The following ITGA3 variants were observed in gnomAD, a reference collection of about 807,000 sequenced individuals.
ITGA3 encodes the protein integrin subunit alpha 3, also known as integrin alpha-3.
ITGA3 carries 70 observed loss-of-function variants against 131.1 expected under a neutral mutation model. That is an observed-to-expected ratio of 0.53 (90% CI 0.44 to 0.65). The LOEUF (loss-of-function observed/expected upper bound fraction) is 0.65. Among genes scored for constraint, ITGA3 ranks in the 30% least tolerant of loss-of-function variants. The pLI, the probability that ITGA3 is intolerant of heterozygous loss-of-function variation, is 0.00. For synonymous variants in ITGA3, 537 were observed against 571.6 expected (o/e 0.94, Z 0.86); for missense variants, 1,098 against 1,388.6 (o/e 0.79, Z 3.33).
Position 50,064,130 on chromosome 17 carries a change from G to T in ITGA3, c.260G>T (p.Arg87Leu), listed in dbSNP as rs749281724. The T allele has an allele frequency of 2.5e-6, 4 of 1,612,326 alleles. No individual in the cohort carries two copies. In the Admixed American group the frequency reaches 5.0e-5, roughly 20 times the overall value. The change falls in exon 2 of 26, where the codon CGG (arginine) becomes CTG (leucine). Residue 87 changes from arginine (R) to leucine (L), a missense_variant. Physicochemically the swap from Arg to Leu is moderately radical, Grantham distance 102. Around this residue, in one of 3 missense-constraint regions of ITGA3, gnomAD observed 356 missense variants for 529.2 expected, o/e 0.67. Coordinates refer to ENST00000320031, the MANE Select transcript of ITGA3 (RefSeq NM_002204.4). The surrounding 1 kb of genome is among the most constrained non-coding windows in gnomAD (Gnocchi z 4.4). ...ELAVPDGYTN[R>L]TGAVYLCPLT... The stretch of plus-strand genomic sequence containing the variant: ...GCTGTGCCCGATGGCTACACCAACC[G>T]GACTGGTGCTGTGTACCTGTGCCCA...
chr17:50,078,156 A>T (rs1909008816), intron 17 of ITGA3, 31 bp downstream of exon 17: 2 of 1,612,706 alleles, frequency 1.2e-6, no homozygotes, highest in African/African-American at 2.7e-5. Context: ...AGTCTGGGTC[A>T]GGGCTGAGGT....
chr17:50,076,719 G>A, intron 14 of ITGA3, 38 bp downstream of exon 14: 1 of 1,540,124 alleles, frequency 6.5e-7, no homozygotes, highest in Non-Finnish European at 9.0e-7. Context: ...TCGGCCAAGG[G>A]TGGGACGGGG....
chr17:50,059,047 C>T (rs1301900453), intron 1 of ITGA3, among the ~76,000 whole-genome samples: 1 of 152,188 alleles, frequency 6.6e-6, no homozygotes, highest in Non-Finnish European at 1.5e-5. Flanking sequence ...TGGTTAGAAA[C>T]CCAGGGGTGG....
chr17:50,075,160 C>T (rs954398802), intron 10 of ITGA3, among the ~76,000 whole-genome samples: 9 of 152,114 alleles, frequency 5.9e-5, no homozygotes, highest in Non-Finnish European at 7.4e-5. Flanking sequence ...GGGGATTGGC[C>T]GACCTAGGTT....
chr17:50,081,603 G>C (rs1909188722), intron 23 of ITGA3, among the ~76,000 whole-genome samples, 195 bp downstream of exon 23: 1 of 152,268 alleles, frequency 6.6e-6, no homozygotes, highest in South Asian at 2.1e-4. Flanking sequence ...GTGGATTCCG[G>C]GATTGCTGTG....
At chr17:50,061,486 G>A (rs577367170) in intron 1 of ITGA3, among the ~76,000 whole-genome samples, 11 of 151,984 alleles carry the variant, frequency 7.2e-5, no homozygotes, top group Non-Finnish European at 1.2e-4. Flanking sequence ...CATTACAGGC[G>A]TGCCCAAGGC....
At position 50,087,647 on chromosome 17, in the gene ITGA3, G is replaced by A. The variant is rs1050262366; in HGVS notation, c.2920-97G>A. On this transcript the variant is annotated intron_variant, in intron 23 of 25. Transcript: ENST00000320031. ...CCAGGCTGCCCCCTACTGGCAGCAG[G>A]ACAAACAGCAGGTGCCTGGGCCCAG... 32 of 1,407,288 alleles carry A rather than the reference G, an allele frequency of 2.3e-5. No homozygotes were observed. In the African/African-American group the frequency reaches 4.2e-4, roughly 18 times the overall value. The allele number at this position is 1,407,288 out of a possible 1,614,324, so 87.2% of individuals were successfully genotyped here.
At chr17:50,082,046 G>A (rs539785339) in intron 23 of ITGA3, among the ~76,000 whole-genome samples, 32 of 152,180 alleles carry the variant, frequency 2.1e-4, no homozygotes, top group African/African-American at 7.7e-4. Context: ...TCACTCTGTT[G>A]CCCCAGCTGG....
Position 50,079,112 on chromosome 17 carries a change from A to T in ITGA3, c.2437A>T (p.Thr813Ser), listed in dbSNP as rs761500991. 3 of 1,613,412 alleles carry T rather than the reference A, an allele frequency of 1.9e-6. No individual in the cohort carries two copies. The South Asian group carries it at 3.3e-5, about 18-fold the overall frequency. ...GGGGGAGGGGCTGGTGGGCCTGGGG[A>T]CCCTGGTCCTAGGTCTGGAGTGGCC... Reference protein sequence around the residue: ...PMGEGLVGLGTLVLGLEWPYE... With the variant: ...PMGEGLVGLGSLVLGLEWPYE... The change falls in exon 20 of 26, where the codon ACC (threonine) becomes TCC (serine). Residue 813 changes from threonine to serine, a missense_variant. Around this residue, in one of 3 missense-constraint regions of ITGA3, gnomAD observed 699 missense variants for 829.2 expected, o/e 0.84. Coordinates refer to ENST00000320031, the MANE Select transcript of ITGA3 (RefSeq NM_002204.4).
At position 50,076,318 on chromosome 17, in the gene ITGA3, C is replaced by G. The variant is rs373834648; in HGVS notation, c.1675-8C>G. 10 of 1,612,384 alleles carry G rather than the reference C, an allele frequency of 6.2e-6. 1 individual carries two copies. In the African/African-American group the frequency reaches 9.3e-5, roughly 15 times the overall value. On this transcript the variant is annotated splice_region_variant and splice_polypyrimidine_tract_variant and intron_variant, in intron 12 of 25. Transcript: ENST00000320031. ...CAGGGCCGGGCTCAGCTCACCCTCT[C>G]TCCCCAGGACAACCTCCGTGACAAA... is the stretch of plus-strand genomic sequence containing the variant.
rs776536254 is a variant in ITGA3 at position 50,078,092 on chromosome 17, C to G, written c.2186C>G (p.Thr729Arg). The change falls in exon 17 of 26, where the codon ACA becomes AGA. Residue 729 changes from threonine (T) to arginine (R), a missense_variant. Thr to Arg is a moderately conservative substitution (Grantham distance 71). This residue lies in a region of ITGA3 where 699 missense variants were observed against 829.2 expected (regional missense o/e 0.84). Transcript: ENST00000320031. ...GAGGTCATCGGGGTGACCCTGCACA[C>G]AAGGGACCTTCAGGTGCAGCTGCAG... ...AFEVIGVTLH[T>R]RDLQVQLQLS... 1 of 1,613,848 alleles carries G rather than the reference C, an allele frequency of 6.2e-7. No individual in the cohort carries two copies. Among genetic ancestry groups the G allele is most frequent in the South Asian group, 1.1e-5 (1 of 91,080 alleles).
At chr17:50,063,992 TA>T in intron 1 of ITGA3, 84 bp from the exon 2 acceptor site, 1 of 1,534,610 alleles carries the variant, frequency 6.5e-7, no homozygotes, top group Non-Finnish European at 8.8e-7. Flanking sequence ...CAAGAATCTG[TA>T]AATGTATGTT....
Position 50,073,989 on chromosome 17 carries a change from T to C in ITGA3, c.1230T>C (p.Leu410=), listed in dbSNP as rs2285524. 0.16 allele frequency: 253,991 copies of C among 1,612,682 alleles called. 26,897 individuals are homozygous for C. Among genetic ancestry groups the C allele is most frequent in the African/African-American group, 0.42 (31,718 of 74,882 alleles). Residue 410 remains leucine (L), a synonymous_variant, in exon 8 of 26, where the codon CTT becomes CTC. Transcript: ENST00000320031. ...ATCACAGTAGCTCTAAGGGGCTCCT[T>C]AGACAGCCCCAGCAGGTACAGAGAG... ...YIYHSSSKGL[L]RQPQQVIHGE... is the part of the protein sequence containing the mutation.
At position 50,056,708 on chromosome 17, in the gene ITGA3, C is replaced by A; in HGVS notation, c.206+63C>A. On this transcript the variant is annotated intron_variant, in intron 1 of 25. Coordinates refer to ENST00000320031, the MANE Select transcript of ITGA3 (RefSeq NM_002204.4). The surrounding 1 kb of genome is among the most constrained non-coding windows in gnomAD (Gnocchi z 5.6). ...AGTGTGCGAGCGCGGGATGCGGGTC[C>A]GGAGCTGAGTCGGAGCCCAGGGCAG... 3 of 1,500,372 alleles carry A rather than the reference C, an allele frequency of 2.0e-6. No homozygotes were observed. The highest frequency in any genetic ancestry group is 2.5e-5 in the South Asian group (2 of 79,846). 92.9% of individuals were successfully genotyped at this position (1,500,372 alleles called of 1,614,324 possible). A position where few individuals can be genotyped will look rare whatever the true frequency, so the allele number is the denominator to read the frequency against.
In ITGA3 at chr17:50,076,985, G is replaced by A. The variant is rs373846681; in HGVS notation, c.1934G>A (p.Ser645Asn). The stretch of plus-strand genomic sequence containing the variant: ...GCTCCTGCTCTCAGGCTCCAGTACA[G>A]CAGAGACGTCCGGAAATTGCTCCTG... Reference protein sequence around the residue: ...QQQKLSRLQYSRDVRKLLLSI... With the variant: ...QQQKLSRLQYNRDVRKLLLSI... Residue 645 changes from serine to asparagine, a missense_variant, in exon 15 of 26, where the codon AGC becomes AAC. By Grantham distance (46) the Ser-to-Asn change is conservative. Around this residue, in one of 3 missense-constraint regions of ITGA3, gnomAD observed 699 missense variants for 829.2 expected, o/e 0.84. Coordinates refer to ENST00000320031, the MANE Select transcript of ITGA3 (RefSeq NM_002204.4). 1 of 1,609,668 alleles carries A rather than the reference G, an allele frequency of 6.2e-7. No homozygotes were observed. Among genetic ancestry groups the A allele is most frequent in the African/African-American group, 1.3e-5 (1 of 74,850 alleles).
Position 50,056,189 on chromosome 17 carries a change from C to G in ITGA3, c.-251C>G. 4.8e-6 allele frequency: 2 copies of G among 413,476 alleles called. No homozygotes were observed. Among genetic ancestry groups the G allele is most frequent in the Non-Finnish European group, 4.3e-6 (1 of 235,252 alleles). 25.6% of individuals were successfully genotyped at this position (413,476 alleles called of 1,614,324 possible). A position where few individuals can be genotyped will look rare whatever the true frequency, so the allele number is the denominator to read the frequency against. ...CGGGACAAGCTGGGGGCCGGTTGCC[C>G]GGGGCAGGGACGGCGGCGACCCGGC... On this transcript the variant is annotated 5_prime_UTR_variant, in exon 1 of 26. Transcript: ENST00000320031. The surrounding 1 kb of genome is among the most constrained non-coding windows in gnomAD (Gnocchi z 5.6).
At position 50,090,120 on chromosome 17, in the gene ITGA3, C is replaced by A. The variant is rs1598202673; in HGVS notation, c.*1042C>A. ...CAGCCTCAGAAGGCCCCAGAGAGAC[C>A]CTGCAAGACCACGGAGGGAGCGACA... On this transcript the variant is annotated 3_prime_UTR_variant, in exon 26 of 26. Transcript: ENST00000320031. 2.5e-6 allele frequency: 1 copy of A among 396,680 alleles called. No individual in the cohort carries two copies. Among genetic ancestry groups the A allele is most frequent in the African/African-American group, 2.1e-5 (1 of 48,396 alleles). The allele number at this position is 396,680 out of a possible 1,614,324, so 24.6% of individuals were successfully genotyped here.
In ITGA3 at chr17:50,056,557, C is replaced by T; in HGVS notation, c.118C>T (p.Leu40=). Residue 40 remains leucine (L), a synonymous_variant, in exon 1 of 26, where the codon CTG becomes TTG. Coordinates refer to ENST00000320031, the MANE Select transcript of ITGA3 (RefSeq NM_002204.4). The surrounding 1 kb of genome is among the most constrained non-coding windows in gnomAD (Gnocchi z 5.6). ...CGCCTTCAACCTGGATACCCGATTC[C>T]TGGTAGTGAAGGAGGCCGGGAACCC... ...VSAFNLDTRF[L]VVKEAGNPGS... The T allele has an allele frequency of 6.4e-7, 1 of 1,569,272 alleles. No homozygotes were observed. The highest frequency in any genetic ancestry group is 8.6e-7 in the Non-Finnish European group (1 of 1,158,096).
chr17:50,080,463 G>GGTGTGTGTGTGTGT lies in ITGA3; in HGVS notation c.2820+118_2820+131dup, dbSNP rs113441627. On this transcript the variant is annotated intron_variant, in intron 22 of 25. Coordinates refer to ENST00000320031, the MANE Select transcript of ITGA3 (RefSeq NM_002204.4). ...AGGGCGAGTCCAGGGTCATAGCATG[G>GGTGTGTGTGTGTGT]GTGTGTGTGTGTGTGTGTGTGTGTG... 25 of 506,296 alleles carry GGTGTGTGTGTGTGT rather than the reference G, an allele frequency of 4.9e-5. No individual in the cohort carries two copies. The African/African-American group carries it at 5.9e-4, about 12-fold the overall frequency. The allele number at this position is 506,296 out of a possible 1,614,324, so 31.4% of individuals were successfully genotyped here.
Sources: gnomAD v4.1 joint callset for allele counts (sites outside exome capture counted in the v4.1 genomes callset) on GRCh38, gnomAD v4.1.1 for gene constraint, gnomAD v4.1.1 regional missense constraint, Gnocchi (gnomAD v3.1) non-coding constraint, MANE v1.5 for transcripts, NCBI Gene and HGNC (gene_info 2026-07-23, HGNC 2026-07-21) for gene names.